Variants in TIGIT observed in about 807,000 individuals in gnomAD.
The protein encoded by TIGIT is T cell immunoreceptor with Ig and ITIM domains.
In TIGIT, 11 loss-of-function variants were observed where a neutral mutation model predicts 19.6. That is an observed-to-expected ratio of 0.56 (90% CI 0.35 to 0.93). The LOEUF (loss-of-function observed/expected upper bound fraction) is 0.93, where lower values mean the gene tolerates loss of function less well. TIGIT is among the 40% of genes least tolerant of loss of function. The pLI is 0.01. For synonymous variants in TIGIT, 130 were observed against 125.5 expected (o/e 1.04, Z -0.24); for missense variants, 295 against 303.9 (o/e 0.97, Z 0.22).
intron 2 of TIGIT, among the ~76,000 whole-genome samples, chr3:114,298,491 C>G (rs2107949275): frequency 6.6e-6 from 1 of 152,320 alleles, no homozygotes; most frequent in South Asian, 2.1e-4. Context: ...CCAAACTGAT[C>G]ATATATCCTT....
At position 114,303,103 on chromosome 3, in the gene TIGIT, G is replaced by A. The variant is rs114738425; in HGVS notation, c.498+3400G>A. Among the ~76,000 whole-genome samples, 782 of 151,708 alleles carry A rather than the reference G, an allele frequency of 5.2e-3. 8 individuals carry two copies. Among genetic ancestry groups the A allele is most frequent in the African/African-American group, 0.018 (735 of 41,406 alleles). On this transcript the variant is annotated intron_variant, in intron 3 of 3. Transcript: ENST00000383671. The stretch of plus-strand genomic sequence containing the variant: ...AATTTTTATGTGTAATAAAATATTC[G>A]TTTTTCTTTCTATAAATTTTTATGT...
chr3:114,301,341 T>C (rs2078490817), intron 3 of TIGIT, among the ~76,000 whole-genome samples: 1 of 152,256 alleles, frequency 6.6e-6, no homozygotes, highest in African/African-American at 2.4e-5. Flanking sequence ...GAGACATGGC[T>C]GGTGCTATTG....
chr3:114,309,629 G>C lies in TIGIT; in HGVS notation c.*1498G>C, dbSNP rs970910187. On this transcript the variant is annotated 3_prime_UTR_variant, in exon 4 of 4. Coordinates refer to ENST00000383671, the MANE Select transcript of TIGIT (RefSeq NM_173799.4). The stretch of plus-strand genomic sequence containing the variant: ...ACATAGGAAGAATGAACTGAAATCT[G>C]TCCAGAGCTCCAAGTCCTTTGGAAG... 2 of 152,156 alleles carry C rather than the reference G, an allele frequency of 1.3e-5. No individual in the cohort carries two copies. Among genetic ancestry groups the C allele is most frequent in the Non-Finnish European group, 2.9e-5 (2 of 68,028 alleles). 9.4% of individuals were successfully genotyped at this position (152,156 alleles called of 1,614,324 possible).
rs1437896827 is a variant in TIGIT at position 114,295,083 on chromosome 3, G to C, written c.62-462G>C. ...AGTCATAAGCCAGGCATTTAGTAAGGTGCTAATTATACAATACAGGCAGTG... is the reference window on the plus strand; with the variant it reads ...AGTCATAAGCCAGGCATTTAGTAAGCTGCTAATTATACAATACAGGCAGTG... On this transcript the variant is annotated intron_variant, in intron 1 of 3. Transcript: ENST00000383671. The C allele has an allele frequency of 1.7e-5, 3 of 175,764 alleles. No individual in the cohort carries two copies. In the East Asian group the frequency reaches 4.7e-4, roughly 27 times the overall value. 10.9% of individuals were successfully genotyped at this position (175,764 alleles called of 1,614,324 possible).
chr3:114,296,029 A>C, intron 2 of TIGIT, 155 bp downstream of exon 2: 1 of 630,410 alleles, frequency 1.6e-6, no homozygotes, highest in Non-Finnish European at 2.7e-6. Context: ...CCTCACCCAG[A>C]CCAATTCAAT....
chr3:114,296,862 C>T (rs1426108485), intron 2 of TIGIT, among the ~76,000 whole-genome samples: 3 of 150,600 alleles, frequency 2.0e-5, no homozygotes, highest in Non-Finnish European at 1.5e-5. Flanking sequence ...TAAAAGGTTA[C>T]CTTAAAGTTT....
chr3:114,306,405 A>G (rs535509089), intron 3 of TIGIT, among the ~76,000 whole-genome samples: 1 of 152,210 alleles, frequency 6.6e-6, no homozygotes, highest in African/African-American at 2.4e-5. Flanking sequence ...TGATACCTAA[A>G]ATTAGCTATG....
chr3:114,296,075 G>A (rs1448802784), intron 2 of TIGIT: 2 of 531,388 alleles, frequency 3.8e-6, no homozygotes, highest in Non-Finnish European at 6.6e-6. Flanking sequence ...CAAGGGTAAG[G>A]TCTAAAAGCA....
intron 3 of TIGIT, among the ~76,000 whole-genome samples, chr3:114,304,368 A>G (rs2107954049): frequency 6.6e-6 from 1 of 152,258 alleles, no homozygotes; most frequent in South Asian, 2.1e-4. Context: ...GCCATTTCTG[A>G]TTTAGTAGGT....
chr3:114,304,810 GC>G (rs1309845942), intron 3 of TIGIT, among the ~76,000 whole-genome samples: 5 of 152,218 alleles, frequency 3.3e-5, no homozygotes, highest in Non-Finnish European at 7.3e-5. Context: ...TATAAGAGAA[GC>G]AGGTGGTTCC....
intron 3 of TIGIT, among the ~76,000 whole-genome samples, chr3:114,301,073 T>A (rs947028756): frequency 6.6e-6 from 1 of 152,248 alleles, no homozygotes; most frequent in Admixed American, 6.5e-5. Flanking sequence ...GAAATTTATG[T>A]CATCAGCTAC....
In TIGIT at chr3:114,294,113, C is replaced by A; in HGVS notation, c.52C>A (p.Leu18Ile). The A allele has an allele frequency of 6.4e-7, 1 of 1,554,358 alleles. No individual in the cohort carries two copies. Among genetic ancestry groups the A allele is most frequent in the Non-Finnish European group, 8.7e-7 (1 of 1,147,910 alleles). Residue 18 changes from leucine (L) to isoleucine (I), a missense_variant, in exon 1 of 4, where the codon CTC (leucine) becomes ATC (isoleucine). By Grantham distance (5) the Leu-to-Ile change is conservative. Coordinates refer to ENST00000383671, the MANE Select transcript of TIGIT (RefSeq NM_173799.4). Reference protein sequence around the residue: ...IWAQGLRQAPLASGMMTGTIE... With the variant: ...IWAQGLRQAPIASGMMTGTIE... ...GGCCCAGGGGCTGAGGCAGGCTCCC[C>A]TCGCCTCAGGTAAGGCCTGAAACCC...
intron 3 of TIGIT, among the ~76,000 whole-genome samples, chr3:114,304,412 A>C (rs1446749074): frequency 6.6e-6 from 1 of 152,162 alleles, no homozygotes; most frequent in Admixed American, 6.5e-5. Flanking sequence ...CCTTTTCCAT[A>C]GTTTGCCAAA....
chr3:114,304,325 A>T (rs2078516558), intron 3 of TIGIT, among the ~76,000 whole-genome samples: 1 of 152,226 alleles, frequency 6.6e-6, no homozygotes, highest in South Asian at 2.1e-4. Context: ...AAAAACCAGC[A>T]GTGGGCCATA....
Position 114,308,215 on chromosome 3 carries a change from C to CTGAG in TIGIT, c.*86_*87insAGTG. 3 of 992,230 alleles carry CTGAG rather than the reference C, an allele frequency of 3.0e-6. No individual in the cohort carries two copies. Among genetic ancestry groups the CTGAG allele is most frequent in the Non-Finnish European group, 3.1e-6 (2 of 643,308 alleles). 61.5% of individuals were successfully genotyped at this position (992,230 alleles called of 1,614,324 possible). On this transcript the variant is annotated 3_prime_UTR_variant, in exon 4 of 4. Transcript: ENST00000383671. ...TAAGCAGCTGTACTCTCCATCAGTG[C>CTGAG]TGCGTGTGTGTGTGTGTGTGTATGT... is the stretch of plus-strand genomic sequence containing the variant.
intron 3 of TIGIT, among the ~76,000 whole-genome samples, chr3:114,302,007 C>T (rs1241914162): frequency 3.3e-5 from 5 of 152,174 alleles, no homozygotes; most frequent in Non-Finnish European, 5.9e-5. Context: ...GTGCTGTAAC[C>T]ATTCCTAGTT....
rs1227178808 is a variant in TIGIT, at chr3:114,308,666, G to C, written c.*535G>C. On this transcript the variant is annotated 3_prime_UTR_variant, in exon 4 of 4. Coordinates refer to ENST00000383671, the MANE Select transcript of TIGIT (RefSeq NM_173799.4). ...TCAAGAACTTACAGTTAAATGGGGA[G>C]ACAATGTTGTCATGAAAAGGTATTA... The C allele has an allele frequency of 6.5e-6, 1 of 153,286 alleles. No homozygotes were observed. Among genetic ancestry groups the C allele is most frequent in the African/African-American group, 2.4e-5 (1 of 41,452 alleles). 9.5% of individuals were successfully genotyped at this position (153,286 alleles called of 1,614,324 possible).
chr3:114,305,575 T>C (rs1035061400), intron 3 of TIGIT, among the ~76,000 whole-genome samples: 1 of 152,202 alleles, frequency 6.6e-6, no homozygotes, highest in East Asian at 1.9e-4. Context: ...AGCTGGCATT[T>C]TGGAAATCCA....
chr3:114,301,707 A>T (rs1026913323), intron 3 of TIGIT, among the ~76,000 whole-genome samples: 3 of 152,060 alleles, frequency 2.0e-5, no homozygotes, highest in Non-Finnish European at 2.9e-5. Flanking sequence ...AGGTGAAGAG[A>T]CCTATTGAGT....
Sources: gnomAD v4.1 joint callset for allele counts (sites outside exome capture counted in the v4.1 genomes callset) on GRCh38, gnomAD v4.1.1 for gene constraint, MANE v1.5 for transcripts, NCBI Gene and HGNC (gene_info 2026-07-23, HGNC 2026-07-21) for gene names.